Variants in COA1 observed in about 807,000 individuals in gnomAD.
COA1 encodes cytochrome c oxidase assembly factor 1 homolog.
A neutral mutation model predicts 16.0 loss-of-function variants in COA1; 13 were observed. That is an observed-to-expected ratio of 0.81 (90% confidence interval 0.53 to 1.29). COA1 has a LOEUF of 1.29. Among genes scored for constraint, COA1 ranks in the 50% most tolerant of loss-of-function variants. COA1 has a pLI of 0.00. For missense variants in COA1, 179 were observed against 177.0 expected (o/e 1.01, Z -0.06); for synonymous variants, 65 against 65.7 (o/e 0.99, Z 0.05).
chr7:43,691,707 G>GA (rs901339584), intron 1 of COA1, among the ~76,000 whole-genome samples: 16 of 152,282 alleles, frequency 1.1e-4, no homozygotes, highest in African/African-American at 3.4e-4. Context: ...TCCATCCACA[G>GA]AAAAAAGTCT....
At chr7:43,612,554 C>T (rs1345610569) in intron 6 of COA1, among the ~76,000 whole-genome samples, 1 of 152,160 alleles carries the variant, frequency 6.6e-6, no homozygotes, top group African/African-American at 2.4e-5. Flanking sequence ...CTGATAATCC[C>T]AATATGTATG....
downstream of COA1, among the ~76,000 whole-genome samples, chr7:43,638,032 C>T (rs752857060): frequency 1.3e-5 from 2 of 152,090 alleles, no homozygotes; most frequent in Non-Finnish European, 1.5e-5. Context: ...CAGTGCTCTG[C>T]CATTTATTTT....
At chr7:43,628,271 C>T (rs1016422432) in intron 6 of COA1, among the ~76,000 whole-genome samples, 38 of 152,136 alleles carry the variant, frequency 2.5e-4, no homozygotes, top group African/African-American at 8.0e-4. Flanking sequence ...GGATTACAGG[C>T]GTGAGCCACC....
intron 1 of COA1, among the ~76,000 whole-genome samples, chr7:43,697,493 C>T (rs1240726975): frequency 6.6e-6 from 1 of 152,102 alleles, no homozygotes; most frequent in Non-Finnish European, 1.5e-5. Context: ...ATCATGTTGG[C>T]CAGGCTGGTC....
rs897470129 is a variant in COA1 at position 43,619,777 on chromosome 7, G to A, written c.*134-10282C>T. ...TGGGGTCAGGCATCACCTTCATTAG[G>A]GGACTTGTCCATGTGGCATGACTCA... On this transcript the variant is annotated intron_variant and NMD_transcript_variant, in intron 6 of 6. Coordinates refer to the COA1 transcript ENST00000415076. The A allele has an allele frequency of 1.9e-6, 3 of 1,591,956 alleles. No individual in the cohort carries two copies. In the African/African-American group the frequency reaches 4.1e-5, roughly 22 times the overall value.
chr7:43,642,527 T>C (rs1231226985), intron 4 of COA1, among the ~76,000 whole-genome samples: 6 of 152,136 alleles, frequency 3.9e-5, no homozygotes, highest in Non-Finnish European at 5.9e-5. Context: ...CTGGAAATTA[T>C]AGAATTAAGC....
chr7:43,695,451 CTCTCT>C (rs2094497372), intron 1 of COA1, among the ~76,000 whole-genome samples: 1 of 146,834 alleles, frequency 6.8e-6, no homozygotes, highest in South Asian at 2.1e-4. Flanking sequence ...ATGGCACATG[CTCTCT>C]TCTCTCTCTC....
At chr7:43,691,255 AG>A in intron 1 of COA1, among the ~76,000 whole-genome samples, 1 of 45,720 alleles carries the variant, frequency 2.2e-5, no homozygotes, top group African/African-American at 1.5e-4. Context: ...ACTCAAAAAA[AG>A]AAAGAAAGAA....
chr7:43,691,437 G>GAAAT (rs1180903662), intron 1 of COA1, among the ~76,000 whole-genome samples: 14 of 110,816 alleles, frequency 1.3e-4, no homozygotes, highest in Admixed American at 5.1e-4. Context: ...AAGAAAGAAA[G>GAAAT]AAAGAAAGAA....
At chr7:43,674,035 T>C (rs1584811770) in intron 1 of COA1, among the ~76,000 whole-genome samples, 1 of 152,248 alleles carries the variant, frequency 6.6e-6, no homozygotes, top group East Asian at 1.9e-4. Context: ...ACAGAAAAAC[T>C]ACCTATCAGG....
At chr7:43,640,861 C>G in intron 4 of COA1, 1 of 487,116 alleles carries the variant, frequency 2.1e-6, no homozygotes, top group Non-Finnish European at 3.6e-6. Context: ...CAATGGCAGT[C>G]TTTCCATTTG....
At chr7:43,664,443 T>C (rs1480639556) in intron 1 of COA1, among the ~76,000 whole-genome samples, 2 of 152,214 alleles carry the variant, frequency 1.3e-5, no homozygotes, top group Non-Finnish European at 2.9e-5. Context: ...CTGGGGAATA[T>C]GAAGATAGTG....
At chr7:43,611,947 T>C (rs2082915162) in intron 6 of COA1, among the ~76,000 whole-genome samples, 1 of 152,196 alleles carries the variant, frequency 6.6e-6, no homozygotes, top group Non-Finnish European at 1.5e-5. Flanking sequence ...GTCAGCACCA[T>C]GTGTCATGGA....
intron 1 of COA1, among the ~76,000 whole-genome samples, chr7:43,700,467 G>C (rs190505131): frequency 6.6e-6 from 1 of 150,932 alleles, no homozygotes; most frequent in African/African-American, 2.4e-5. Flanking sequence ...TTTCAAATAC[G>C]TTACCATCAC....
intron 1 of COA1, among the ~76,000 whole-genome samples, chr7:43,717,768 T>C (rs934057994): frequency 4.6e-5 from 7 of 152,144 alleles, no homozygotes; most frequent in Non-Finnish European, 1.0e-4. Flanking sequence ...ATAATTCCCA[T>C]GTGTTGTGGG....
intron 6 of COA1, among the ~76,000 whole-genome samples, chr7:43,615,539 G>A (rs2083267412): frequency 6.6e-6 from 1 of 152,106 alleles, no homozygotes; most frequent in Non-Finnish European, 1.5e-5. Context: ...AAAAGTCTGA[G>A]GACTCATAGT....
At chr7:43,625,652 T>G (rs1009962063) in intron 6 of COA1, 1 of 152,468 alleles carries the variant, frequency 6.6e-6, no homozygotes, top group African/African-American at 2.4e-5. Flanking sequence ...TTTGGCCACT[T>G]GTAGGTATCA....
intron 1 of COA1, among the ~76,000 whole-genome samples, chr7:43,712,908 G>A (rs771126695): frequency 2.6e-5 from 4 of 151,866 alleles, no homozygotes; most frequent in Non-Finnish European, 5.9e-5. Context: ...ATATATTTGA[G>A]GGGTACAATT....
intron 1 of COA1, among the ~76,000 whole-genome samples, chr7:43,705,869 G>A (rs185027293): frequency 3.2e-4 from 49 of 152,254 alleles, no homozygotes; most frequent in African/African-American, 1.0e-3. Context: ...CCCTAGGAGC[G>A]ACTCAGGGCC....
Sources: gnomAD v4.1 joint callset for allele counts (sites outside exome capture counted in the v4.1 genomes callset) on GRCh38, gnomAD v4.1.1 for gene constraint, MANE v1.5 for transcripts, NCBI Gene and HGNC (gene_info 2026-07-23, HGNC 2026-07-21) for gene names.